The following GRIK1 variants were observed in gnomAD, a reference collection of about 807,000 sequenced individuals.
GRIK1 encodes the protein glutamate ionotropic receptor kainate type subunit 1, also known as glutamate receptor ionotropic, kainate 1.
A neutral mutation model predicts 105.7 loss-of-function variants in GRIK1; 69 were observed. The ratio of observed to expected loss-of-function variants is 0.65; its 90% confidence interval spans 0.54 to 0.80. The LOEUF (loss-of-function observed/expected upper bound fraction) is 0.80. Among genes scored for constraint, GRIK1 ranks in the 30% least tolerant of loss-of-function variants. GRIK1 has a pLI of 0.00. For missense variants in GRIK1, 1,109 were observed against 1,167.3 expected, an observed-to-expected ratio of 0.95 and a Z score of 0.73; for synonymous variants, 438 against 431.3, an observed-to-expected ratio of 1.02 and a Z score of -0.19.
intron 1 of GRIK1, among the ~76,000 whole-genome samples, chr21:29,909,931 C>G (rs985480463): frequency 2.0e-5 from 3 of 152,130 alleles, no homozygotes; most frequent in Non-Finnish European, 2.9e-5. Context: ...TAATTACAGA[C>G]ACATGGACAA....
At chr21:29,870,816 G>T (rs553750722) in intron 1 of GRIK1, among the ~76,000 whole-genome samples, 2 of 152,056 alleles carry the variant, frequency 1.3e-5, no homozygotes, top group South Asian at 4.2e-4. Context: ...TTCTTTAAAT[G>T]CTTCTTTGAC....
In GRIK1 at chr21:29,590,171, G is replaced by A. The variant is rs557917297; in HGVS notation, c.1365+941C>T. On this transcript the variant is annotated intron_variant, in intron 10 of 17. Transcript: ENST00000327783. ...AGGTTTATCCTCAAACTGATAATGG[G>A]GTCATTCAAACACAGTAGAGAACCC... 1.4e-4 allele frequency among the ~76,000 whole-genome samples: 22 copies of A among 152,206 alleles called. 1 individual carries two copies. In the South Asian group the frequency reaches 4.6e-3, roughly 32 times the overall value.
chr21:29,782,127 C>T (rs1367396282), intron 1 of GRIK1, among the ~76,000 whole-genome samples: 5 of 150,386 alleles, frequency 3.3e-5, no homozygotes, highest in South Asian at 4.3e-4. Context: ...CGCTGTGTCG[C>T]CCAGGCTGGA....
chr21:29,725,340 G>A (rs534270826), intron 1 of GRIK1, among the ~76,000 whole-genome samples: 52 of 152,274 alleles, frequency 3.4e-4, no homozygotes, highest in Admixed American at 1.4e-3. Context: ...GTGACTCACT[G>A]TGTTTTATGT....
chr21:29,900,459 C>CAAAAAAAAAAAAAAAAAAAA (rs746842761), intron 1 of GRIK1, among the ~76,000 whole-genome samples: 15 of 78,322 alleles, frequency 1.9e-4, no homozygotes, highest in East Asian at 7.8e-4. Flanking sequence ...AAATGGAAAG[C>CAAAAAAAAAAAAAAAAAAAA]AAGAAAAAAA....
At chr21:29,934,372 A>G (rs2071674793) in intron 1 of GRIK1, among the ~76,000 whole-genome samples, 1 of 152,212 alleles carries the variant, frequency 6.6e-6, no homozygotes, top group Non-Finnish European at 1.5e-5. Context: ...AAGGGGAAAG[A>G]TCTGCTCATT....
intron 1 of GRIK1, among the ~76,000 whole-genome samples, chr21:29,908,441 G>C (rs531998869): frequency 6.6e-6 from 1 of 152,192 alleles, no homozygotes; most frequent in African/African-American, 2.4e-5. Flanking sequence ...TCTTCTTAGA[G>C]CTGGCCAAAT....
Position 29,587,565 on chromosome 21 carries a change from G to C in GRIK1, c.1594C>G (p.Leu532Val), listed in dbSNP as rs769188942. The change falls in exon 12 of 18, where the codon CTT (leucine) becomes GTT (valine). Residue 532 changes from leucine to valine, a missense_variant. Leu to Val is a conservative substitution (Grantham distance 32). Transcript: ENST00000327783. ...TTCTCCCGCACGTAGGTGATGGTAA[G>C]AGGAGCCACTGCCAGGTCAGCCCTC... ...DHRADLAVAP[L>V]TITYVREKVI... is the part of the protein sequence containing the mutation. 6.2e-7 allele frequency: 1 copy of C among 1,612,522 alleles called. No homozygotes were observed. The highest frequency in any genetic ancestry group is 1.1e-5 in the South Asian group (1 of 91,016).
At chr21:29,639,141 T>C (rs566977535) in intron 7 of GRIK1, among the ~76,000 whole-genome samples, 117 of 152,352 alleles carry the variant, frequency 7.7e-4, no homozygotes, top group African/African-American at 2.7e-3. Context: ...TGTTTCTGGA[T>C]ATGATTTTTA....
intron 15 of GRIK1, among the ~76,000 whole-genome samples, chr21:29,560,492 TTTCTTTCCTTCC>T (rs1299373199): frequency 1.7e-4 from 8 of 45,984 alleles, no homozygotes; most frequent in East Asian, 1.3e-3. Context: ...CCTTTCTTTC[TTTCTTTCCTTCC>T]TTCCTTCCTT....
chr21:29,782,333 T>G (rs751105571), intron 1 of GRIK1, among the ~76,000 whole-genome samples: 5 of 152,088 alleles, frequency 3.3e-5, no homozygotes, highest in South Asian at 2.1e-4. Context: ...TGATCTGCCC[T>G]CCTTGGCCTC....
At chr21:29,843,507 T>G (rs142163477) in intron 1 of GRIK1, among the ~76,000 whole-genome samples, 3 of 152,330 alleles carry the variant, frequency 2.0e-5, no homozygotes, top group South Asian at 2.1e-4. Context: ...ACTGTGCCAA[T>G]ATTTTGAAAT....
chr21:29,633,823 G>C (rs1297463142), intron 7 of GRIK1, among the ~76,000 whole-genome samples: 1 of 152,012 alleles, frequency 6.6e-6, no homozygotes, highest in Non-Finnish European at 1.5e-5. Context: ...AAGAATGAGG[G>C]GTCAGAATGC....
At chr21:29,670,989 T>A (rs1276246709) in intron 4 of GRIK1, among the ~76,000 whole-genome samples, 1 of 152,198 alleles carries the variant, frequency 6.6e-6, no homozygotes, top group Non-Finnish European at 1.5e-5. Flanking sequence ...AGTGACAGCA[T>A]CTCATGGTGG....
chr21:29,644,553 T>G (rs553768290), intron 6 of GRIK1, among the ~76,000 whole-genome samples: 1 of 152,344 alleles, frequency 6.6e-6, no homozygotes, highest in South Asian at 2.1e-4. Flanking sequence ...GTTGGATTGG[T>G]GGTGGCAGTA....
chr21:29,724,518 T>G (rs187146295), intron 1 of GRIK1, among the ~76,000 whole-genome samples: 3 of 152,218 alleles, frequency 2.0e-5, no homozygotes, highest in South Asian at 4.1e-4. Flanking sequence ...TGTTAAAATA[T>G]GCAAGAACTG....
intron 16 of GRIK1, among the ~76,000 whole-genome samples, chr21:29,540,097 G>A (rs2089944727): frequency 1.3e-5 from 2 of 152,112 alleles, no homozygotes; most frequent in Non-Finnish European, 2.9e-5. Flanking sequence ...ACTGTGACTT[G>A]ACACACACAG....
intron 1 of GRIK1, among the ~76,000 whole-genome samples, chr21:29,800,424 T>A (rs765930163): frequency 1.6e-4 from 24 of 152,200 alleles, no homozygotes; most frequent in Admixed American, 6.5e-5. Context: ...ACACCTTTAT[T>A]AAGCAAGCAT....
intron 9 of GRIK1, among the ~76,000 whole-genome samples, chr21:29,593,094 A>G (rs1427596344): frequency 6.6e-6 from 1 of 152,200 alleles, no homozygotes; most frequent in Non-Finnish European, 1.5e-5. Context: ...AAAAAGTTTC[A>G]AGGACTATTA....
Sources: gnomAD v4.1 joint callset for allele counts (sites outside exome capture counted in the v4.1 genomes callset) on GRCh38, gnomAD v4.1.1 for gene constraint, MANE v1.5 for transcripts, NCBI Gene and HGNC (gene_info 2026-07-23, HGNC 2026-07-21) for gene names.